IRS2: variants seen among roughly 807,000 people sequenced by gnomAD.
The protein encoded by IRS2 is insulin receptor substrate 2.
A neutral mutation model predicts 70.9 loss-of-function variants in IRS2; 28 were observed. The observed-to-expected ratio is 0.39, with a 90% CI of 0.29 to 0.54. The LOEUF (loss-of-function observed/expected upper bound fraction) is 0.54. Among genes scored for constraint, IRS2 ranks in the 20% least tolerant of loss-of-function variants. The pLI is 0.59. For missense variants in IRS2, 2,081 were observed against 2,024.1 expected (o/e 1.03, Z -0.54); for synonymous variants, 1,217 against 981.9 (o/e 1.24, Z -4.48).
rs757507101 is a variant in IRS2 at position 109,785,469 on chromosome 13, A to G, written c.585T>C (p.Arg195=). The G allele has an allele frequency of 5.6e-6, 9 of 1,611,142 alleles. No individual in the cohort carries two copies. In the Admixed American group the frequency reaches 1.5e-4, roughly 27 times the overall value. The change falls in exon 1 of 2, where the codon CGT becomes CGC. Residue 195 remains arginine, a synonymous_variant. Coordinates refer to ENST00000375856, the MANE Select transcript of IRS2 (RefSeq NM_003749.3). The surrounding 1 kb of genome is among the most constrained non-coding windows in gnomAD (Gnocchi z 9.3). ...GCTTCAGGTTCACCTGCCACACCTC[A>G]CGGTAGGCGGCCGTGGCGGGAGCCA... ...GLVAPATAAY[R]EVWQVNLKPK... is the part of the protein sequence containing the mutation.
chr13:109,767,728 CT>C (rs748211544), intron 1 of IRS2, among the ~76,000 whole-genome samples: 10,490 of 119,572 alleles, frequency 0.088, 152 homozygotes, highest in African/African-American at 0.11. Context: ...ACCATTTTTC[CT>C]TTTTTTTTTT....
At chr13:109,756,340 C>A (rs940067961) in intron 1 of IRS2, 32 bp from the exon 2 acceptor site, 1 of 1,608,652 alleles carries the variant, frequency 6.2e-7, no homozygotes, top group African/African-American at 1.3e-5. Flanking sequence ...TTAGCAGAGA[C>A]CCTCAGGAGA....
intron 1 of IRS2, among the ~76,000 whole-genome samples, chr13:109,780,015 G>A (rs1053694595): frequency 2.0e-5 from 3 of 152,074 alleles, no homozygotes; most frequent in South Asian, 2.1e-4. Context: ...CATCAGAAAC[G>A]CCTTGCGTCC....
intron 1 of IRS2, among the ~76,000 whole-genome samples, chr13:109,758,183 C>G (rs1170501849): frequency 1.3e-5 from 2 of 152,132 alleles, no homozygotes; most frequent in African/African-American, 4.8e-5. Context: ...AAAAAACAGG[C>G]ATTTGCTAAA....
At chr13:109,762,368 A>C (rs2138913145) in intron 1 of IRS2, among the ~76,000 whole-genome samples, 1 of 152,288 alleles carries the variant, frequency 6.6e-6, no homozygotes, top group Non-Finnish European at 1.5e-5. Context: ...TTTTAGTTAA[A>C]ACCCAGACCA....
rs867014987 is a variant in IRS2, at chr13:109,755,911, C to A, written c.*393G>T. The A allele has an allele frequency of 6.7e-5, 20 of 299,182 alleles. No individual in the cohort carries two copies. The highest frequency in any genetic ancestry group is 2.1e-3 in the Middle Eastern group (2 of 946). The allele number at this position is 299,182 out of a possible 1,614,324, so 18.5% of individuals were successfully genotyped here. On this transcript the variant is annotated 3_prime_UTR_variant, in exon 2 of 2. Transcript: ENST00000375856. ...CCAGATTTTACCACTTCCATAGGTA[C>A]GGGTGCACTCTCCTAGCATGCTGAG...
At chr13:109,778,998 T>G (rs891349159) in intron 1 of IRS2, among the ~76,000 whole-genome samples, 4 of 146,034 alleles carry the variant, frequency 2.7e-5, no homozygotes, top group African/African-American at 9.7e-5. Context: ...GTTTTCCACA[T>G]GCACACACAC....
Position 109,755,910 on chromosome 13 carries a change from A to G in IRS2, c.*394T>C. The G allele has an allele frequency of 3.4e-6, 1 of 296,594 alleles. No homozygotes were observed. Among genetic ancestry groups the G allele is most frequent in the Middle Eastern group, 1.1e-3 (1 of 936 alleles). The allele number at this position is 296,594 out of a possible 1,614,324, so 18.4% of individuals were successfully genotyped here. ...ACCAGATTTTACCACTTCCATAGGTACGGGTGCACTCTCCTAGCATGCTGA... is the reference window on the plus strand; with the variant it reads ...ACCAGATTTTACCACTTCCATAGGTGCGGGTGCACTCTCCTAGCATGCTGA... On this transcript the variant is annotated 3_prime_UTR_variant, in exon 2 of 2. Transcript: ENST00000375856.
chr13:109,778,649 A>AT (rs1222427322), intron 1 of IRS2, among the ~76,000 whole-genome samples: 1 of 152,218 alleles, frequency 6.6e-6, no homozygotes, highest in Non-Finnish European at 1.5e-5. Flanking sequence ...ATAAATCGTG[A>AT]TTTTATTGTC....
At position 109,770,698 on chromosome 13, in the gene IRS2, C is replaced by T. The variant is rs559387541; in HGVS notation, c.4012+11344G>A. Among the ~76,000 whole-genome samples the T allele has an allele frequency of 2.2e-4, 33 of 152,206 alleles. No homozygotes were observed. In the South Asian group the frequency reaches 6.6e-3, roughly 31 times the overall value. ...GAGGGGCTGCCCAGAAAATGGTGCCCGGTGGGATGCTGCCAAGTTGACTCT... is the reference window on the plus strand; with the variant it reads ...GAGGGGCTGCCCAGAAAATGGTGCCTGGTGGGATGCTGCCAAGTTGACTCT... On this transcript the variant is annotated intron_variant, in intron 1 of 1. Coordinates refer to ENST00000375856, the MANE Select transcript of IRS2 (RefSeq NM_003749.3).
chr13:109,785,715 G>T lies in IRS2; in HGVS notation c.339C>A (p.Ile113=). 4 of 1,600,624 alleles carry T rather than the reference G, an allele frequency of 2.5e-6. No individual in the cohort carries two copies. Among genetic ancestry groups the T allele is most frequent in the African/African-American group, 1.3e-5 (1 of 74,862 alleles). Residue 113 remains isoleucine (I), a synonymous_variant, in exon 1 of 2, where the codon ATC becomes ATA. Coordinates refer to ENST00000375856, the MANE Select transcript of IRS2 (RefSeq NM_003749.3). This position sits in a 1 kb window ranked among gnomAD's most constrained non-coding sequence, Gnocchi z 9.3. ...KRADAKHKYL[I]ALYTKDEYFA... ...AGTACTCGTCCTTGGTGTAGAGGGC[G>T]ATCAGGTACTTGTGCTTGGCGTCGG...
chr13:109,786,199 G>T lies in IRS2; in HGVS notation c.-146C>A. The T allele has an allele frequency of 2.9e-6, 1 of 339,242 alleles. No individual in the cohort carries two copies. The highest frequency in any genetic ancestry group is 4.1e-6 in the Non-Finnish European group (1 of 241,944). 21.0% of individuals were successfully genotyped at this position (339,242 alleles called of 1,614,324 possible). ...GCGTCCCTCGGGCCCAGGCGGTGGG[G>T]AAGGTCCGGGGAGGCCCGCGGGGGC... is the stretch of plus-strand genomic sequence containing the variant. On this transcript the variant is annotated 5_prime_UTR_variant, in exon 1 of 2. Transcript: ENST00000375856. This position sits in a 1 kb window ranked among gnomAD's most constrained non-coding sequence, Gnocchi z 4.4.
chr13:109,786,138 C>A lies in IRS2; in HGVS notation c.-85G>T. 6.3e-6 allele frequency: 5 copies of A among 793,150 alleles called. No homozygotes were observed. The highest frequency in any genetic ancestry group is 7.6e-6 in the Non-Finnish European group (5 of 656,928). The allele number at this position is 793,150 out of a possible 1,614,324, so 49.1% of individuals were successfully genotyped here. ...GAGGGGGCGCGGGCGGGGGCGGCTC[C>A]CTCCCACCCTTGCGCCCGGCCGCCC... On this transcript the variant is annotated 5_prime_UTR_variant, in exon 1 of 2. Coordinates refer to ENST00000375856, the MANE Select transcript of IRS2 (RefSeq NM_003749.3). The surrounding 1 kb of genome is among the most constrained non-coding windows in gnomAD (Gnocchi z 4.4).
chr13:109,782,018 C>T (rs1274276391), intron 1 of IRS2, 24 bp downstream of exon 1: 2 of 1,610,716 alleles, frequency 1.2e-6, no homozygotes, highest in Non-Finnish European at 1.7e-6. Context: ...TCCCGCCAGA[C>T]GCCAAGGCAA....
rs2138935697 is a variant in IRS2 at position 109,784,417 on chromosome 13, T to C, written c.1637A>G (p.Asp546Gly). ...GCGGCCACAGTGGCTCAGGGGCCTGTCCATGGTCATGTACCCGTAGAACTC... is the reference window on the plus strand; with the variant it reads ...GCGGCCACAGTGGCTCAGGGGCCTGCCCATGGTCATGTACCCGTAGAACTC... ...GGEFYGYMTM[D>G]RPLSHCGRSY... Residue 546 changes from aspartate to glycine, a missense_variant, in exon 1 of 2, where the codon GAC becomes GGC. By Grantham distance (94) the Asp-to-Gly change is moderately conservative. Around this residue, in one of 4 missense-constraint regions of IRS2, gnomAD observed 1,615 missense variants for 1,459.5 expected, o/e 1.11. Coordinates refer to ENST00000375856, the MANE Select transcript of IRS2 (RefSeq NM_003749.3). The surrounding 1 kb of genome is among the most constrained non-coding windows in gnomAD (Gnocchi z 5.2). The C allele has an allele frequency of 6.2e-7, 1 of 1,609,178 alleles. No homozygotes were observed. Among genetic ancestry groups the C allele is most frequent in the East Asian group, 2.2e-5 (1 of 44,708 alleles).
In IRS2 at chr13:109,782,160, G is replaced by T; in HGVS notation, c.3894C>A (p.Gly1298=). Residue 1298 remains glycine, a synonymous_variant, in exon 1 of 2, where the codon GGC becomes GGA. Transcript: ENST00000375856. ...CGCACCCGCCGCCGGTGCTGCCGACGCCCACAGCGCTGATGAGACCCCCGA... is the reference window on the plus strand; with the variant it reads ...CGCACCCGCCGCCGGTGCTGCCGACTCCCACAGCGCTGATGAGACCCCCGA... The part of the protein sequence containing the change: ...RSLGGLISAV[G]VGSTGGGCGG... The T allele has an allele frequency of 1.9e-6, 3 of 1,603,682 alleles. No homozygotes were observed. The highest frequency in any genetic ancestry group is 2.6e-6 in the Non-Finnish European group (3 of 1,175,596).
At chr13:109,762,070 C>G (rs1422194685) in intron 1 of IRS2, among the ~76,000 whole-genome samples, 1 of 152,194 alleles carries the variant, frequency 6.6e-6, no homozygotes, top group African/African-American at 2.4e-5. Flanking sequence ...TCTACACATT[C>G]AACTTTCCTA....
At position 109,784,891 on chromosome 13, in the gene IRS2, C is replaced by G; in HGVS notation, c.1163G>C (p.Ser388Thr). Residue 388 changes from serine (S) to threonine (T), a missense_variant, in exon 1 of 2, where the codon AGC becomes ACC. Transcript: ENST00000375856. This position sits in a 1 kb window ranked among gnomAD's most constrained non-coding sequence, Gnocchi z 5.2. ...GCGCACCGGCCCGGGGCTCAGGGGG[C>G]TCCCAGCCACCGACACCGGCCTGGC... ...AGARPVSVAG[S>T]PLSPGPVRAP... 9.2e-7 allele frequency: 1 copy of G among 1,087,640 alleles called. No individual in the cohort carries two copies. The highest frequency in any genetic ancestry group is 1.1e-6 in the Non-Finnish European group (1 of 895,236). 67.4% of individuals were successfully genotyped at this position (1,087,640 alleles called of 1,614,324 possible).
intron 1 of IRS2, among the ~76,000 whole-genome samples, chr13:109,767,031 C>T (rs960272816): frequency 6.6e-6 from 1 of 152,240 alleles, no homozygotes; most frequent in African/African-American, 2.4e-5. Context: ...TGGGAGGAGC[C>T]TCACACACCA....
Sources: gnomAD v4.1 joint callset for allele counts (sites outside exome capture counted in the v4.1 genomes callset) on GRCh38, gnomAD v4.1.1 for gene constraint, gnomAD v4.1.1 regional missense constraint, Gnocchi (gnomAD v3.1) non-coding constraint, MANE v1.5 for transcripts, NCBI Gene and HGNC (gene_info 2026-07-23, HGNC 2026-07-21) for gene names.